The following MYH9 variants were observed in gnomAD, a reference collection of about 807,000 sequenced individuals.
MYH9 encodes myosin heavy chain 9, also known as myosin-9.
In MYH9, 29 loss-of-function variants were observed where a neutral mutation model predicts 241.9. The ratio of observed to expected loss-of-function variants is 0.12; its 90% confidence interval spans 0.09 to 0.16. The LOEUF (loss-of-function observed/expected upper bound fraction) is 0.16. MYH9 is among the 10% of genes least tolerant of loss of function. MYH9 has a pLI of 1.00. For synonymous variants in MYH9, 1,047 were observed against 1,062.6 expected (o/e 0.99, Z 0.29); for missense variants, 1,803 against 2,595.5 (o/e 0.69, Z 6.63).
intron 3 of MYH9, 120 bp from the exon 4 acceptor site, chr22:36,327,608 G>A (rs2017356375): frequency 8.4e-7 from 1 of 1,197,208 alleles, no homozygotes; most frequent in African/African-American, 1.5e-5. Context: ...TGTCTTTGTG[G>A]GGATCTCGCA....
intron 1 of MYH9, among the ~76,000 whole-genome samples, chr22:36,373,856 G>A (rs766183414): frequency 4.0e-5 from 6 of 151,896 alleles, no homozygotes; most frequent in Admixed American, 1.3e-4. Flanking sequence ...GAATTCTGGC[G>A]ACCAATGAAA....
intron 6 of MYH9, among the ~76,000 whole-genome samples, chr22:36,322,077 G>C (rs1005590019): frequency 6.6e-6 from 1 of 152,254 alleles, no homozygotes; most frequent in Non-Finnish European, 1.5e-5. Flanking sequence ...CTCCGCAGAG[G>C]GGGAAAGAGA....
In MYH9 at chr22:36,300,452, G is replaced by A. The variant is rs2016858836; in HGVS notation, c.2839-188C>T. 6.6e-6 allele frequency among the ~76,000 whole-genome samples: 1 copy of A among 152,264 alleles called. No homozygotes were observed. The highest frequency in any genetic ancestry group is 1.5e-5 in the Non-Finnish European group (1 of 68,046). On this transcript the variant is annotated intron_variant, in intron 22 of 40. Transcript: ENST00000216181. This position sits in a 1 kb window ranked among gnomAD's most constrained non-coding sequence, Gnocchi z 5.0. ...GGGCCACAGCCGAGGCAGGGCCCAA[G>A]CCCCATTTGTAGGATTCCAGATTTC...
At position 36,294,103 on chromosome 22, in the gene MYH9, T is replaced by G. The variant is rs1276440350; in HGVS notation, c.3826A>C (p.Thr1276Pro). The change falls in exon 28 of 41, where the codon ACC (threonine) becomes CCC (proline). Residue 1276 changes from threonine (T) to proline (P), a missense_variant. Transcript: ENST00000216181. ...RVRTELADKV[T>P]KLQVELDNVT... ...GGCGGAGGCCTCACCTGCAGCTTGGTGACCTTGTCGGCCAGCTCTGTGCGC... is the reference window on the plus strand; with the variant it reads ...GGCGGAGGCCTCACCTGCAGCTTGGGGACCTTGTCGGCCAGCTCTGTGCGC... The G allele has an allele frequency of 6.2e-7, 1 of 1,609,022 alleles. No homozygotes were observed. The highest frequency in any genetic ancestry group is 1.3e-5 in the African/African-American group (1 of 74,928).
chr22:36,379,697 C>T (rs1334412296), intron 1 of MYH9, among the ~76,000 whole-genome samples: 1 of 152,110 alleles, frequency 6.6e-6, no homozygotes, highest in East Asian at 1.9e-4. Context: ...AGGCCTTAGC[C>T]CAACCTGCAC....
At chr22:36,343,527 G>A (rs1007476129) in intron 2 of MYH9, among the ~76,000 whole-genome samples, 4 of 143,932 alleles carry the variant, frequency 2.8e-5, no homozygotes, top group Non-Finnish European at 6.0e-5. Flanking sequence ...CAGCCTGGGT[G>A]ACAGAGGGAG....
chr22:36,332,663 A>T (rs1484307251), intron 3 of MYH9, among the ~76,000 whole-genome samples: 8 of 79,828 alleles, frequency 1.0e-4, no homozygotes, highest in East Asian at 3.2e-3. Context: ...TGGATAATTA[A>T]AAAAAAAAAA....
rs765671920 is a variant in MYH9, at chr22:36,293,751, A to C, written c.3942+8T>G. The C allele has an allele frequency of 5.0e-6, 8 of 1,612,816 alleles. No homozygotes were observed. The South Asian group carries it at 8.8e-5, about 18-fold the overall frequency. On this transcript the variant is annotated splice_region_variant and intron_variant, in intron 29 of 40. Transcript: ENST00000216181. This position sits in a 1 kb window ranked among gnomAD's most constrained non-coding sequence, Gnocchi z 5.1. ...GTCCACCTTCTGGGAACCTGGCGCC[A>C]CCCCTACCTGAGTGTCCTGCAGCTG...
In MYH9 at chr22:36,282,177, G is replaced by T. The variant is rs1386700278; in HGVS notation, c.*491C>A. 3.6e-5 allele frequency: 12 copies of T among 329,744 alleles called. No homozygotes were observed. Among genetic ancestry groups the T allele is most frequent in the Non-Finnish European group, 5.1e-5 (9 of 175,138 alleles). 20.4% of individuals were successfully genotyped at this position (329,744 alleles called of 1,614,324 possible). ...GGAGTGGGAGGCCCAAGGGGCAGAGGTGTGTGAGGTCACCACGTGTGATTG... is the reference window on the plus strand; with the variant it reads ...GGAGTGGGAGGCCCAAGGGGCAGAGTTGTGTGAGGTCACCACGTGTGATTG... On this transcript the variant is annotated 3_prime_UTR_variant, in exon 41 of 41. Coordinates refer to ENST00000216181, the MANE Select transcript of MYH9 (RefSeq NM_002473.6).
In MYH9 at chr22:36,329,937, C is replaced by T. The variant is rs1422666836; in HGVS notation, c.491-2449G>A. ...GATCCACACAAGGCACACAGCTGCA[C>T]ACGCATTCACAGATGCATATCCACA... On this transcript the variant is annotated intron_variant, in intron 3 of 40. Coordinates refer to ENST00000216181, the MANE Select transcript of MYH9 (RefSeq NM_002473.6). This position sits in a 1 kb window ranked among gnomAD's most constrained non-coding sequence, Gnocchi z 4.1. Among the ~76,000 whole-genome samples the T allele has an allele frequency of 6.6e-6, 1 of 152,240 alleles. No homozygotes were observed. Among genetic ancestry groups the T allele is most frequent in the African/African-American group, 2.4e-5 (1 of 41,458 alleles).
chr22:36,309,507 G>A, intron 14 of MYH9, 111 bp from the exon 15 acceptor site: 1 of 785,114 alleles, frequency 1.3e-6, no homozygotes, highest in Non-Finnish European at 2.3e-6. Flanking sequence ...AAAACGTGAA[G>A]ACCCTTTGAT....
intron 11 of MYH9, 62 bp from the exon 12 acceptor site, chr22:36,316,731 T>C: frequency 1.3e-6 from 2 of 1,596,464 alleles, no homozygotes; most frequent in Non-Finnish European, 1.7e-6. Context: ...CCTCATACCC[T>C]ATGCCCCAGT....
intron 1 of MYH9, among the ~76,000 whole-genome samples, chr22:36,373,466 G>A (rs897532138): frequency 2.0e-5 from 3 of 152,240 alleles, no homozygotes; most frequent in South Asian, 4.1e-4. Flanking sequence ...CAAAAGCCCG[G>A]ACAGATCTCC....
At position 36,300,822 on chromosome 22, in the gene MYH9, A is replaced by T; in HGVS notation, c.2838+29T>A. 6.3e-7 allele frequency: 1 copy of T among 1,598,206 alleles called. No homozygotes were observed. Among genetic ancestry groups the T allele is most frequent in the Non-Finnish European group, 8.5e-7 (1 of 1,179,484 alleles). On this transcript the variant is annotated intron_variant, in intron 22 of 40. Transcript: ENST00000216181. The surrounding 1 kb of genome is among the most constrained non-coding windows in gnomAD (Gnocchi z 5.0). ...CGCCCCGCCCTGCCCCTCCGGCGCC[A>T]CCCCTCCCCGGGTGCAGCGGGCAGG...
At chr22:36,332,060 T>A (rs889146922) in intron 3 of MYH9, among the ~76,000 whole-genome samples, 19 of 151,960 alleles carry the variant, frequency 1.3e-4, no homozygotes, top group African/African-American at 4.3e-4. Context: ...TTGATCAGAG[T>A]TGCACAAATG....
intron 20 of MYH9, chr22:36,302,320 G>A: frequency 2.2e-6 from 1 of 447,192 alleles, no homozygotes; most frequent in Non-Finnish European, 4.2e-6. Context: ...AGGAAGGTCA[G>A]CCTGGGCAAG....
At chr22:36,301,996 A>T (rs566575398) in intron 20 of MYH9, among the ~76,000 whole-genome samples, 7 of 152,190 alleles carry the variant, frequency 4.6e-5, no homozygotes, top group Non-Finnish European at 8.8e-5. Context: ...CACTACCTCT[A>T]AAAAAACGAT....
rs779403059 is a variant in MYH9, at chr22:36,285,116, C to T, written c.5483+5G>A. 9.9e-6 allele frequency: 16 copies of T among 1,613,498 alleles called. No homozygotes were observed. The highest frequency in any genetic ancestry group is 6.7e-5 in the Admixed American group (4 of 60,006). ...CTGGGGTTGGGCGGGGCCAGGGGCA[C>T]GTACTTGGTCTCGTTGTCCAGCTGC... On this transcript the variant is annotated splice_donor_5th_base_variant and intron_variant, in intron 38 of 40. Coordinates refer to ENST00000216181, the MANE Select transcript of MYH9 (RefSeq NM_002473.6). The surrounding 1 kb of genome is among the most constrained non-coding windows in gnomAD (Gnocchi z 7.0).
At chr22:36,311,768 T>C (rs549637857) in intron 14 of MYH9, among the ~76,000 whole-genome samples, 4 of 152,374 alleles carry the variant, frequency 2.6e-5, no homozygotes, top group African/African-American at 2.4e-5. Flanking sequence ...GCTCTGCACC[T>C]GGCAGACAGG....
Sources: allele counts gnomAD v4.1 joint callset (sites outside exome capture counted in the v4.1 genomes callset), GRCh38; gene constraint gnomAD v4.1.1; non-coding constraint Gnocchi (gnomAD v3.1); transcripts MANE v1.5; gene names NCBI Gene and HGNC (gene_info 2026-07-23, HGNC 2026-07-21).